Variants in SOX5 observed in about 807,000 individuals in gnomAD.
The protein encoded by SOX5 is transcription factor SOX-5.
SOX5 carries 9 observed loss-of-function variants against 92.0 expected under a neutral mutation model. The ratio of observed to expected loss-of-function variants is 0.10; its 90% CI spans 0.06 to 0.17. The LOEUF (loss-of-function observed/expected upper bound fraction) is 0.17, where lower values mean the gene tolerates loss of function less well. SOX5 is among the 10% of genes least tolerant of loss of function. SOX5 has a pLI of 1.00. For missense variants in SOX5, 642 were observed against 944.5 expected, an observed-to-expected ratio of 0.68 and a Z score of 4.20; for synonymous variants, 344 against 336.3, an observed-to-expected ratio of 1.02 and a Z score of -0.25.
At chr12:23,802,670 A>G (rs2095684670) in intron 3 of SOX5, among the ~76,000 whole-genome samples, 1 of 152,202 alleles carries the variant, frequency 6.6e-6, no homozygotes, top group South Asian at 2.1e-4. Context: ...ATGATAGATG[A>G]TATCAGCTAT....
At chr12:24,455,711 G>A (rs1942934239) in intron 1 of SOX5, among the ~76,000 whole-genome samples, 1 of 152,160 alleles carries the variant, frequency 6.6e-6, no homozygotes, top group Non-Finnish European at 1.5e-5. Flanking sequence ...ATGACCCTGA[G>A]ATGCTAGGAA....
At chr12:24,388,498 CTT>C in intron 1 of SOX5, among the ~76,000 whole-genome samples, 1 of 152,250 alleles carries the variant, frequency 6.6e-6, no homozygotes, top group Admixed American at 6.5e-5. Flanking sequence ...CAATACAGTG[CTT>C]TTTCTGGTTC....
chr12:24,322,804 A>G (rs889540809), intron 2 of SOX5, among the ~76,000 whole-genome samples: 1 of 152,128 alleles, frequency 6.6e-6, no homozygotes, highest in Non-Finnish European at 1.5e-5. Context: ...GGATGAAGTG[A>G]GAGTGTGGAC....
chr12:24,263,012 A>C (rs554634502), intron 3 of SOX5, among the ~76,000 whole-genome samples: 15 of 152,096 alleles, frequency 9.9e-5, no homozygotes, highest in Non-Finnish European at 2.2e-4. Flanking sequence ...ACCTGAGGTC[A>C]GGAGTTCGAG....
intron 6 of SOX5, among the ~76,000 whole-genome samples, chr12:23,727,874 T>G (rs1489365109): frequency 6.6e-6 from 1 of 152,190 alleles, no homozygotes; most frequent in Non-Finnish European, 1.5e-5. Flanking sequence ...TGGTACTTTC[T>G]TAGCCATGTA....
chr12:23,603,467 T>TAAAATATATATATATATA (rs1566226312), intron 9 of SOX5, among the ~76,000 whole-genome samples: 1 of 92,048 alleles, frequency 1.1e-5, no homozygotes, highest in Non-Finnish European at 2.9e-5. Context: ...TATATATATA[T>TAAAATATATATATATATA]TTTGCTGGTA....
Position 24,261,686 on chromosome 12 carries a change from A to C in SOX5, c.-77+15530T>G, listed in dbSNP as rs1942114962. ...CAGACTTATGTGTCGCTACTGCCTT[A>C]ATATTTCTGAGCCAAACTGAACTAC... is the stretch of plus-strand genomic sequence containing the variant. On this transcript the variant is annotated intron_variant, in intron 3 of 4. Transcript: ENST00000446891. 2.6e-5 allele frequency among the ~76,000 whole-genome samples: 4 copies of C among 152,200 alleles called. No homozygotes were observed. The South Asian group carries it at 8.3e-4, about 31-fold the overall frequency.
chr12:23,714,818 G>A (rs1037771477), intron 6 of SOX5, among the ~76,000 whole-genome samples: 2 of 152,238 alleles, frequency 1.3e-5, no homozygotes, highest in South Asian at 2.1e-4. Context: ...AAGATTCTTA[G>A]AAATGTGCTG....
chr12:24,386,669 C>T (rs1211031676), intron 1 of SOX5, among the ~76,000 whole-genome samples: 1 of 152,062 alleles, frequency 6.6e-6, no homozygotes, highest in African/African-American at 2.4e-5. Context: ...AATATCCTAC[C>T]CCAGGATCCA....
At chr12:23,938,023 G>C (rs1221813697) in intron 1 of SOX5, among the ~76,000 whole-genome samples, 1 of 150,480 alleles carries the variant, frequency 6.6e-6, no homozygotes, top group Non-Finnish European at 1.5e-5. Flanking sequence ...CTAGGTTTTA[G>C]CCATCAAAAC....
chr12:23,940,863 C>T (rs1216627947), intron 1 of SOX5, among the ~76,000 whole-genome samples: 1 of 150,806 alleles, frequency 6.6e-6, no homozygotes, highest in African/African-American at 2.4e-5. Context: ...CCTCAAATAT[C>T]CCCAAATGTT....
At chr12:23,798,074 A>G (rs931292725) in intron 3 of SOX5, among the ~76,000 whole-genome samples, 4 of 152,092 alleles carry the variant, frequency 2.6e-5, no homozygotes, top group African/African-American at 7.2e-5. Flanking sequence ...ATCTTTTCCT[A>G]TCATTCTCAT....
chr12:23,682,348 G>T (rs1266298232), intron 6 of SOX5, among the ~76,000 whole-genome samples: 5 of 151,748 alleles, frequency 3.3e-5, no homozygotes, highest in South Asian at 2.1e-4. Context: ...GGTTTATGAG[G>T]TATATTTTAG....
At chr12:23,715,809 C>CAA (rs35450544) in intron 6 of SOX5, among the ~76,000 whole-genome samples, 6,877 of 71,842 alleles carry the variant, frequency 0.096, 233 homozygotes, top group African/African-American at 0.19. Flanking sequence ...AGTAATTTCC[C>CAA]AAAAAAAAAA....
intron 6 of SOX5, among the ~76,000 whole-genome samples, chr12:23,702,786 A>G (rs1593434502): frequency 6.6e-6 from 1 of 151,994 alleles, no homozygotes; most frequent in African/African-American, 2.4e-5. Context: ...GTACACATGC[A>G]TGTATATATG....
chr12:24,337,608 G>A (rs886222641), intron 2 of SOX5, among the ~76,000 whole-genome samples: 1 of 152,070 alleles, frequency 6.6e-6, no homozygotes, highest in African/African-American at 2.4e-5. Flanking sequence ...CCAAAGTGCT[G>A]GGATTACAAG....
chr12:24,451,435 T>C (rs1942289360), intron 1 of SOX5, among the ~76,000 whole-genome samples: 1 of 152,184 alleles, frequency 6.6e-6, no homozygotes, highest in Non-Finnish European at 1.5e-5. Context: ...AGGGTTCCCT[T>C]TTCTACACAT....
chr12:23,994,886 A>G (rs1950891803), intron 4 of SOX5, among the ~76,000 whole-genome samples: 1 of 152,184 alleles, frequency 6.6e-6, no homozygotes. Flanking sequence ...TCCTCTCTGT[A>G]GATGGCCATA....
At chr12:23,743,865 CA>C (rs1234109144) in intron 4 of SOX5, among the ~76,000 whole-genome samples, 1 of 152,098 alleles carries the variant, frequency 6.6e-6, no homozygotes, top group Non-Finnish European at 1.5e-5. Flanking sequence ...CTGTGCTGTT[CA>C]AGGGTCAACT....
Sources: gnomAD v4.1 joint callset for allele counts (sites outside exome capture counted in the v4.1 genomes callset) on GRCh38, gnomAD v4.1.1 for gene constraint, MANE v1.5 for transcripts, NCBI Gene and HGNC (gene_info 2026-07-23, HGNC 2026-07-21) for gene names.